Variants in JMJD1C observed in about 807,000 individuals in gnomAD.
JMJD1C encodes the protein jumonji domain containing 1C, also known as jumonji domain-containing protein 1C.
In JMJD1C, 31 loss-of-function variants were observed where a neutral mutation model predicts 245.3. The ratio of observed to expected loss-of-function variants is 0.13; its 90% CI spans 0.09 to 0.17. JMJD1C has a LOEUF of 0.17. Among genes scored for constraint, JMJD1C ranks in the 10% least tolerant of loss-of-function variants. The pLI, the probability that JMJD1C is intolerant of heterozygous loss-of-function variation, is 1.00. For missense variants in JMJD1C, 2,691 were observed against 3,000.2 expected (o/e 0.90, Z 2.41); for synonymous variants, 1,057 against 1,017.4 (o/e 1.04, Z -0.74).
At chr10:63,501,758 AGAGT>A (rs1954568710) in intron 1 of JMJD1C, among the ~76,000 whole-genome samples, 1 of 152,198 alleles carries the variant, frequency 6.6e-6, no homozygotes, top group Admixed American at 6.5e-5. Flanking sequence ...CCTGGACAAC[AGAGT>A]GAGTCTCCAT....
intron 1 of JMJD1C, among the ~76,000 whole-genome samples, chr10:63,440,340 GAAAAAAA>G (rs199670163): frequency 1.1e-5 from 1 of 89,772 alleles, no homozygotes; most frequent in East Asian, 2.7e-4. Flanking sequence ...TGTCTCAAAA[GAAAAAAA>G]AAAAAAATAT....
chr10:63,243,102 A>ATT (rs1024356972), intron 3 of JMJD1C, among the ~76,000 whole-genome samples: 2 of 64,624 alleles, frequency 3.1e-5, no homozygotes, highest in African/African-American at 2.2e-4. Context: ...ACTAACATAA[A>ATT]TTATATATAT....
chr10:63,177,497 C>G, intron 23 of JMJD1C: 1 of 530,266 alleles, frequency 1.9e-6, no homozygotes, highest in Non-Finnish European at 3.3e-6. Flanking sequence ...GGCACACTAC[C>G]AACTGGGAAC....
chr10:63,331,619 T>C (rs941198441), intron 2 of JMJD1C, among the ~76,000 whole-genome samples: 3 of 152,198 alleles, frequency 2.0e-5, no homozygotes, highest in Non-Finnish European at 4.4e-5. Context: ...CTTCAATAAA[T>C]AAACATATAT....
rs1458691432 is a variant in JMJD1C, at chr10:63,380,330, C to A, written c.321G>T (p.Gln107His). 6.2e-7 allele frequency: 1 copy of A among 1,613,844 alleles called. No homozygotes were observed. Among genetic ancestry groups the A allele is most frequent in the Non-Finnish European group, 8.5e-7 (1 of 1,179,928 alleles). Reference protein sequence around the residue: ...QTQGSKSKQIQWPALTFKPLV... With the variant: ...QTQGSKSKQIHWPALTFKPLV... ...GAATAGATCTTACCAATGCAGGCCACTGAATCTGTTTGCTCTTTGATCCCT... is the reference window on the plus strand; with the variant it reads ...GAATAGATCTTACCAATGCAGGCCAATGAATCTGTTTGCTCTTTGATCCCT... Residue 107 changes from glutamine (Q) to histidine (H), a missense_variant, in exon 2 of 26, where the codon CAG (glutamine) becomes CAT (histidine). Physicochemically the swap from Gln to His is conservative, Grantham distance 24. Coordinates refer to ENST00000399262, the MANE Select transcript of JMJD1C (RefSeq NM_032776.3).
At position 63,238,823 on chromosome 10, in the gene JMJD1C, T is replaced by C. The variant is rs565546389; in HGVS notation, c.448-18840A>G. ...ATTACTAAAATTTATTAGGAATATATTTCATTCAACAAGATTTTGAACACC... is the reference window on the plus strand; with the variant it reads ...ATTACTAAAATTTATTAGGAATATACTTCATTCAACAAGATTTTGAACACC... On this transcript the variant is annotated intron_variant, in intron 3 of 25. Transcript: ENST00000399262. Among the ~76,000 whole-genome samples, 6 of 152,344 alleles carry C rather than the reference T, an allele frequency of 3.9e-5. No homozygotes were observed. The East Asian group carries it at 5.8e-4, about 15-fold the overall frequency.
At chr10:63,370,544 T>C (rs2134425691) in intron 2 of JMJD1C, among the ~76,000 whole-genome samples, 1 of 152,350 alleles carries the variant, frequency 6.6e-6, no homozygotes, top group South Asian at 2.1e-4. Context: ...CTTAACATAT[T>C]ATGCTACCTT....
intron 2 of JMJD1C, among the ~76,000 whole-genome samples, chr10:63,271,663 T>G (rs1856319118): frequency 6.6e-6 from 1 of 152,178 alleles, no homozygotes; most frequent in Non-Finnish European, 1.5e-5. Flanking sequence ...GCGATTCTCC[T>G]GCCTCAGCCT....
intron 2 of JMJD1C, among the ~76,000 whole-genome samples, chr10:63,344,013 G>A (rs765496738): frequency 1.1e-4 from 16 of 152,034 alleles, no homozygotes; most frequent in Non-Finnish European, 2.1e-4. Context: ...ACTCCAGCCC[G>A]GGCAGCAGAT....
Position 63,167,927 on chromosome 10 carries a change from AAG to A in JMJD1C, c.*116_*117del, listed in dbSNP as rs1320865611. ...GTGTCAGTAACAAGTAATTACTACA[AAG>A]AGAATTTCTTGGCACTGATGGTTTT... On this transcript the variant is annotated 3_prime_UTR_variant, in exon 26 of 26. Transcript: ENST00000399262. 9.0e-6 allele frequency: 6 copies of A among 666,266 alleles called. No homozygotes were observed. The highest frequency in any genetic ancestry group is 1.6e-5 in the Non-Finnish European group (6 of 370,894). 41.3% of individuals were successfully genotyped at this position (666,266 alleles called of 1,614,324 possible).
chr10:63,518,112 AG>A (rs1323637305), intron 1 of JMJD1C, among the ~76,000 whole-genome samples: 1 of 152,136 alleles, frequency 6.6e-6, no homozygotes, highest in Non-Finnish European at 1.5e-5. Context: ...CTTATTTCTT[AG>A]CAAATCTCAA....
At chr10:63,388,275 C>G (rs1207636640) in intron 1 of JMJD1C, among the ~76,000 whole-genome samples, 3 of 151,532 alleles carry the variant, frequency 2.0e-5, no homozygotes, top group South Asian at 4.2e-4. Flanking sequence ...CCCAATCAGA[C>G]TAACGGCAGT....
chr10:63,278,438 C>T (rs563239075), intron 2 of JMJD1C, among the ~76,000 whole-genome samples: 5 of 151,030 alleles, frequency 3.3e-5, no homozygotes, highest in South Asian at 4.2e-4. Flanking sequence ...AGGCAGGAAT[C>T]GCTTGAACCC....
intron 1 of JMJD1C, among the ~76,000 whole-genome samples, chr10:63,486,996 GC>G (rs1314440762): frequency 3.3e-5 from 5 of 152,176 alleles, no homozygotes; most frequent in Admixed American, 2.6e-4. Flanking sequence ...AAATGCTGAA[GC>G]CAGAACTCAG....
chr10:63,309,445 G>T (rs1253637992), intron 2 of JMJD1C, among the ~76,000 whole-genome samples: 1 of 118,782 alleles, frequency 8.4e-6, no homozygotes, highest in East Asian at 2.7e-4. Flanking sequence ...AGTGAGCCAA[G>T]ATCGCACCAC....
At chr10:63,212,396 G>A (rs1287297315) in intron 8 of JMJD1C, among the ~76,000 whole-genome samples, 2 of 152,158 alleles carry the variant, frequency 1.3e-5, no homozygotes, top group Non-Finnish European at 1.5e-5. Flanking sequence ...TAGGATGTAC[G>A]AAGGACAAGG....
intron 2 of JMJD1C, among the ~76,000 whole-genome samples, chr10:63,307,525 G>T (rs1034019076): frequency 5.3e-5 from 8 of 152,056 alleles, no homozygotes; most frequent in African/African-American, 1.9e-4. Flanking sequence ...AAAAAGCAAC[G>T]GCAATTTGAT....
intron 1 of JMJD1C, among the ~76,000 whole-genome samples, chr10:63,388,163 AAT>A (rs1348669065): frequency 3.9e-5 from 6 of 152,136 alleles, no homozygotes; most frequent in African/African-American, 1.2e-4. Flanking sequence ...ATAACTCAAA[AAT>A]ATCTTTTCCA....
At chr10:63,259,747 G>C (rs1429337447) in intron 3 of JMJD1C, among the ~76,000 whole-genome samples, 3 of 152,128 alleles carry the variant, frequency 2.0e-5, no homozygotes, top group Non-Finnish European at 2.9e-5. Flanking sequence ...AAAATACTCA[G>C]GTTTGTTCTA....
Sources: gnomAD v4.1 joint callset for allele counts (sites outside exome capture counted in the v4.1 genomes callset) on GRCh38, gnomAD v4.1.1 for gene constraint, MANE v1.5 for transcripts, NCBI Gene and HGNC (gene_info 2026-07-23, HGNC 2026-07-21) for gene names.